PATJ: variants seen among roughly 807,000 people sequenced by gnomAD.
PATJ encodes inaD-like protein.
A neutral mutation model predicts 224.9 loss-of-function variants in PATJ; 190 were observed. That is an observed-to-expected ratio of 0.84 (90% CI 0.75 to 0.95). PATJ has a LOEUF of 0.95. Ranked by LOEUF, PATJ falls within the 40% of genes least tolerant of loss-of-function variation. PATJ has a pLI of 0.00. For synonymous variants in PATJ, 769 were observed against 820.3 expected (o/e 0.94, Z 1.07); for missense variants, 2,121 against 2,270.3 (o/e 0.93, Z 1.34).
At chr1:62,143,438 ATTTTTTT>A (rs34127211) in intron 41 of PATJ, among the ~76,000 whole-genome samples, 456 of 74,314 alleles carry the variant, frequency 6.1e-3, no homozygotes, top group African/African-American at 0.024. Context: ...TAAGCTGGGA[ATTTTTTT>A]TTTTTTTTTT....
At chr1:61,778,997 C>T (rs1205964432) in intron 7 of PATJ, among the ~76,000 whole-genome samples, 2 of 151,964 alleles carry the variant, frequency 1.3e-5, no homozygotes, top group Admixed American at 6.6e-5. Context: ...TCAAGCCTGG[C>T]GAATATTTTT....
rs1218285369 is a variant in PATJ, at chr1:62,106,045, TA to T, written c.4378-2373del. Among the ~76,000 whole-genome samples, 111 of 30,194 alleles carry T rather than the reference TA, an allele frequency of 3.7e-3. 3 individuals are homozygous for T. Among genetic ancestry groups the T allele is most frequent in the East Asian group, 9.1e-3 (14 of 1,534 alleles). The allele number at this position is 30,194 out of a possible 152,430, so 19.8% of individuals were successfully genotyped here. A position where few individuals can be genotyped will look rare whatever the true frequency, so the allele number is the denominator to read the frequency against. ...CTGGGCAACATAGTGAGACTCCTCT[TA>T]AAAAAAAAAAAAAAAAAATATATAT... On this transcript the variant is annotated intron_variant, in intron 33 of 43. Transcript: ENST00000642238.
chr1:61,861,594 G>T lies in PATJ; in HGVS notation c.2366G>T (p.Ser789Ile). ...EESCYILHSSSNEDKTEFSGT... is the reference protein window; with the variant it reads ...EESCYILHSSINEDKTEFSGT... Reference sequence around the variant, plus strand: ...AGTTGTTATATTTTACATTCAAGCAGTAATGAAGACAAGACTGAATTTTCA... The same window carrying T: ...AGTTGTTATATTTTACATTCAAGCATTAATGAAGACAAGACTGAATTTTCA... The change falls in exon 19 of 44, where the codon AGT (serine) becomes ATT (isoleucine). Residue 789 changes from serine (S) to isoleucine (I), a missense_variant. Physicochemically the swap from Ser to Ile is moderately radical, Grantham distance 142. Coordinates refer to ENST00000642238, the MANE Select transcript of PATJ (RefSeq NM_001350145.3). 1.3e-6 allele frequency: 2 copies of T among 1,491,224 alleles called. No homozygotes were observed. The highest frequency in any genetic ancestry group is 1.8e-6 in the Non-Finnish European group (2 of 1,106,790). 92.4% of individuals were successfully genotyped at this position (1,491,224 alleles called of 1,614,324 possible).
chr1:61,822,160 T>C (rs1657400929), intron 14 of PATJ, among the ~76,000 whole-genome samples: 1 of 152,114 alleles, frequency 6.6e-6, no homozygotes, highest in Admixed American at 6.6e-5. Flanking sequence ...GCTGAAGTTA[T>C]GGAGATTAAA....
At chr1:62,008,024 G>A (rs1424757198) in intron 28 of PATJ, among the ~76,000 whole-genome samples, 1 of 152,196 alleles carries the variant, frequency 6.6e-6, no homozygotes, top group Non-Finnish European at 1.5e-5. Context: ...GGATGCACCA[G>A]GGCTTTGGGA....
intron 33 of PATJ, among the ~76,000 whole-genome samples, chr1:62,099,687 G>C (rs1661907856): frequency 1.3e-5 from 2 of 152,148 alleles, no homozygotes; most frequent in South Asian, 4.1e-4. Context: ...ATCTACATAT[G>C]ATTATTTGTC....
chr1:61,922,296 C>T (rs1219647795), intron 26 of PATJ, among the ~76,000 whole-genome samples: 1 of 152,122 alleles, frequency 6.6e-6, no homozygotes, highest in Non-Finnish European at 1.5e-5. Flanking sequence ...CTGCCCGCCT[C>T]AGCCTCCCAA....
Position 61,775,230 on chromosome 1 carries a change from G to T in PATJ, c.745G>T (p.Val249Phe), listed in dbSNP as rs777131077. 9.3e-6 allele frequency: 15 copies of T among 1,613,374 alleles called. No homozygotes were observed. In the South Asian group the frequency reaches 1.5e-4, roughly 17 times the overall value. Residue 249 changes from valine to phenylalanine, a missense_variant, in exon 7 of 44, where the codon GTT (valine) becomes TTT (phenylalanine). Coordinates refer to ENST00000642238, the MANE Select transcript of PATJ (RefSeq NM_001350145.3). ...ETVCWGHVEE[V>F]ELINDGSGLG... ...GGTTTGTTGGGGCCATGTTGAAGAG[G>T]TTGAGCTCATTAATGATGGCTCTGG...
intron 27 of PATJ, among the ~76,000 whole-genome samples, chr1:61,940,655 GC>G (rs2149342543): frequency 6.6e-6 from 1 of 150,778 alleles, no homozygotes; most frequent in South Asian, 2.1e-4. Context: ...GGTGGAGGTT[GC>G]AGTGACCTGA....
At chr1:61,949,398 T>C (rs748708147) in intron 27 of PATJ, among the ~76,000 whole-genome samples, 1 of 151,000 alleles carries the variant, frequency 6.6e-6, no homozygotes, top group Non-Finnish European at 1.5e-5. Flanking sequence ...CAAATAGTTG[T>C]GATGGTTGCA....
intron 27 of PATJ, among the ~76,000 whole-genome samples, chr1:61,930,323 ATGGG>A (rs1384969960): frequency 6.6e-6 from 1 of 152,114 alleles, no homozygotes; most frequent in Admixed American, 6.6e-5. Flanking sequence ...AATAGATCCC[ATGGG>A]TTTTTCTTTG....
intron 29 of PATJ, among the ~76,000 whole-genome samples, chr1:62,031,005 T>C (rs1008618801): frequency 1.6e-4 from 25 of 152,206 alleles, no homozygotes; most frequent in East Asian, 1.3e-3. Flanking sequence ...AATAAACTTG[T>C]ATAGAGCATG....
intron 20 of PATJ, among the ~76,000 whole-genome samples, chr1:61,865,021 G>C (rs2148958642): frequency 6.6e-6 from 1 of 152,006 alleles, no homozygotes; most frequent in South Asian, 2.1e-4. Flanking sequence ...TCAAGGCCAA[G>C]TTAGTACATA....
At chr1:62,002,709 CAAAAAAAAA>C (rs766357883) in intron 28 of PATJ, among the ~76,000 whole-genome samples, 1,138 of 112,782 alleles carry the variant, frequency 0.01, 18 homozygotes, top group African/African-American at 0.032. Flanking sequence ...AACTCTGTCT[CAAAAAAAAA>C]AAAAAAAAAA....
intron 26 of PATJ, among the ~76,000 whole-genome samples, chr1:61,916,184 A>G (rs1324044548): frequency 6.6e-6 from 1 of 152,162 alleles, no homozygotes; most frequent in Non-Finnish European, 1.5e-5. Context: ...CTAGTGGAGA[A>G]TACTGGGAAA....
intron 33 of PATJ, among the ~76,000 whole-genome samples, chr1:62,091,460 A>G (rs74076530): frequency 0.083 from 12,642 of 152,268 alleles, 992 homozygotes; most frequent in African/African-American, 0.21. Flanking sequence ...GAAGAACTTT[A>G]CCCAGTGCCT....
At chr1:61,971,522 G>A (rs557681566) in intron 27 of PATJ, among the ~76,000 whole-genome samples, 3 of 152,134 alleles carry the variant, frequency 2.0e-5, no homozygotes, top group East Asian at 3.9e-4. Flanking sequence ...GCTGAGGTAA[G>A]AAGAGCACTT....
At chr1:61,832,546 C>T (rs902352688) in intron 16 of PATJ, among the ~76,000 whole-genome samples, 3 of 151,946 alleles carry the variant, frequency 2.0e-5, no homozygotes, top group Non-Finnish European at 4.4e-5. Context: ...TTACTTGGTA[C>T]CTTTATTGAG....
Position 62,161,024 on chromosome 1 carries a change from A to T in PATJ, c.5619A>T (p.Arg1873Ser), listed in dbSNP as rs1669792385. 1 of 1,597,474 alleles carries T rather than the reference A, an allele frequency of 6.3e-7. No homozygotes were observed. The highest frequency in any genetic ancestry group is 2.2e-5 in the East Asian group (1 of 44,696). The change falls in exon 44 of 44, where the codon AGA (arginine) becomes AGT (serine). Residue 1873 changes from arginine (R) to serine (S), a missense_variant. Physicochemically the swap from Arg to Ser is moderately radical, Grantham distance 110 (BLOSUM62 -1). Coordinates refer to ENST00000642238, the MANE Select transcript of PATJ (RefSeq NM_001350145.3). ...CAGTCGCCATTCTAAAACACCAGAG[A>T]GGGACTGTAACCTTAACTGTGCTGT... ...EQAVAILKHQ[R>S]GTVTLTVLS
Sources: gnomAD v4.1 joint callset for allele counts (sites outside exome capture counted in the v4.1 genomes callset) on GRCh38, gnomAD v4.1.1 for gene constraint, MANE v1.5 for transcripts, NCBI Gene and HGNC (gene_info 2026-07-23, HGNC 2026-07-21) for gene names.